FNIP2: variants seen among roughly 807,000 people sequenced by gnomAD.
The protein encoded by FNIP2 is folliculin interacting protein 2, also known as folliculin-interacting protein 2.
Under a neutral mutation model 108.7 loss-of-function variants are expected in FNIP2, and 32 were observed. That is an observed-to-expected ratio of 0.29 (90% CI 0.22 to 0.40). The LOEUF is 0.40. Among genes scored for constraint, FNIP2 ranks in the 10% least tolerant of loss-of-function variants. The pLI is 1.00. For synonymous variants in FNIP2, 480 were observed against 496.7 expected, an observed-to-expected ratio of 0.97 and a Z score of 0.45; for missense variants, 1,202 against 1,381.6, an observed-to-expected ratio of 0.87 and a Z score of 2.06.
intron 1 of FNIP2, among the ~76,000 whole-genome samples, chr4:158,800,556 G>A (rs1274565409): frequency 1.3e-5 from 2 of 152,122 alleles, no homozygotes; most frequent in Admixed American, 6.5e-5. Context: ...ATCATTAATG[G>A]CAAGAATTTT....
intron 1 of FNIP2, among the ~76,000 whole-genome samples, chr4:158,779,571 GTTTT>G (rs11358822): frequency 2.5e-5 from 3 of 120,062 alleles, no homozygotes; most frequent in Admixed American, 8.5e-5. Context: ...GTTGGTCGTG[GTTTT>G]TTTTTTTTTT....
chr4:158,852,096 C>T (rs1779733999), intron 8 of FNIP2, among the ~76,000 whole-genome samples: 3 of 152,156 alleles, frequency 2.0e-5, no homozygotes, highest in African/African-American at 4.8e-5. Context: ...GACTAGTACT[C>T]AACATACGTA....
intron 14 of FNIP2, among the ~76,000 whole-genome samples, chr4:158,889,026 CA>C (rs1160817310): frequency 6.6e-6 from 1 of 151,842 alleles, no homozygotes; most frequent in Non-Finnish European, 1.5e-5. Flanking sequence ...CCCATCTCTA[CA>C]AAAACGTTTT....
chr4:158,836,384 C>T (rs544807840), intron 7 of FNIP2: 1 of 152,182 alleles, frequency 6.6e-6, no homozygotes, highest in East Asian at 1.9e-4. Context: ...TACTGAGTCT[C>T]CAGTTTGGTT....
chr4:158,802,171 C>T (rs891337074), intron 1 of FNIP2, among the ~76,000 whole-genome samples: 3 of 152,138 alleles, frequency 2.0e-5, no homozygotes, highest in Non-Finnish European at 4.4e-5. Context: ...TTCTGGGGAC[C>T]GTGCTTCGAA....
intron 12 of FNIP2, among the ~76,000 whole-genome samples, chr4:158,866,046 A>G (rs1343318256): frequency 6.7e-6 from 1 of 149,292 alleles, no homozygotes; most frequent in East Asian, 2.0e-4. Context: ...ATACTCATCT[A>G]TTTTAATTAG....
At chr4:158,875,274 C>G (rs1306048802) in intron 14 of FNIP2, among the ~76,000 whole-genome samples, 2 of 151,896 alleles carry the variant, frequency 1.3e-5, no homozygotes, top group Non-Finnish European at 2.9e-5. Flanking sequence ...GCAGACTGGA[C>G]AGCTCTAACT....
intron 1 of FNIP2, among the ~76,000 whole-genome samples, chr4:158,780,949 C>T (rs1211174320): frequency 2.0e-5 from 3 of 151,326 alleles, no homozygotes; most frequent in African/African-American, 4.9e-5. Context: ...GCAGGAGAAT[C>T]GCTCGAACCC....
At position 158,891,561 on chromosome 4, in the gene FNIP2, G is replaced by C. The variant is rs753486875; in HGVS notation, c.3065G>C (p.Gly1022Ala). Residue 1022 changes from glycine (G) to alanine (A), a missense_variant, in exon 15 of 17, where the codon GGC becomes GCC. Transcript: ENST00000264433. ...QRKVTDNMKLGQDVLVSSQVS... is the reference protein window; with the variant it reads ...QRKVTDNMKLAQDVLVSSQVS... ...AAAGTGACGGACAACATGAAACTAGGCCAGGATGTCCTGGTCTCTAGTCAG... is the reference window on the plus strand; with the variant it reads ...AAAGTGACGGACAACATGAAACTAGCCCAGGATGTCCTGGTCTCTAGTCAG... The C allele has an allele frequency of 1.2e-6, 2 of 1,612,204 alleles. No homozygotes were observed. Among genetic ancestry groups the C allele is most frequent in the East Asian group, 4.5e-5 (2 of 44,872 alleles).
chr4:158,847,136 T>C (rs1390360910), intron 7 of FNIP2, among the ~76,000 whole-genome samples: 1 of 152,200 alleles, frequency 6.6e-6, no homozygotes. Flanking sequence ...TAAAGTGCTC[T>C]GGGGTCCTAA....
chr4:158,888,895 AAG>A (rs1578985667), intron 14 of FNIP2, among the ~76,000 whole-genome samples: 1 of 151,696 alleles, frequency 6.6e-6, no homozygotes, highest in East Asian at 1.9e-4. Context: ...AAAAAAAAGT[AAG>A]AAACTTTGGA....
chr4:158,806,578 G>T (rs1776971244), intron 1 of FNIP2, among the ~76,000 whole-genome samples: 2 of 152,218 alleles, frequency 1.3e-5, no homozygotes, highest in Admixed American at 1.3e-4. Flanking sequence ...GCAGAGTCAA[G>T]TCCCTTCTCT....
At chr4:158,801,211 G>A in intron 1 of FNIP2, among the ~76,000 whole-genome samples, 1 of 152,136 alleles carries the variant, frequency 6.6e-6, no homozygotes, top group East Asian at 1.9e-4. Flanking sequence ...GTAGGGGCCG[G>A]TGTGCTTGGC....
At chr4:158,791,445 G>T (rs1040121904) in intron 1 of FNIP2, among the ~76,000 whole-genome samples, 2 of 151,520 alleles carry the variant, frequency 1.3e-5, no homozygotes, top group African/African-American at 4.9e-5. Context: ...CACCATGCCC[G>T]GGGCTAAGTT....
chr4:158,868,123 G>A lies in FNIP2; in HGVS notation c.1487G>A (p.Gly496Asp), dbSNP rs1367349630. 1 of 1,614,020 alleles carries A rather than the reference G, an allele frequency of 6.2e-7. No homozygotes were observed. Among genetic ancestry groups the A allele is most frequent in the Non-Finnish European group, 8.5e-7 (1 of 1,179,874 alleles). The change falls in exon 13 of 17, where the codon GGC (glycine) becomes GAC (aspartate). Residue 496 changes from glycine to aspartate, a missense_variant. Gly to Asp is a moderately conservative substitution (Grantham distance 94). Around this residue, in one of 5 missense-constraint regions of FNIP2, gnomAD observed 878 missense variants for 990.3 expected, o/e 0.89. Coordinates refer to ENST00000264433, the MANE Select transcript of FNIP2 (RefSeq NM_020840.3). This position sits in a 1 kb window ranked among gnomAD's most constrained non-coding sequence, Gnocchi z 4.6. ...AQLGDLYGAI[G>D]SPVRLTRTVV... is the part of the protein sequence containing the mutation. ...CTAGGTGATCTTTACGGAGCCATAG[G>A]CTCTCCAGTGAGACTGACTCGCACC...
At chr4:158,772,972 C>G (rs190949122) in intron 1 of FNIP2, among the ~76,000 whole-genome samples, 3 of 152,112 alleles carry the variant, frequency 2.0e-5, no homozygotes, top group East Asian at 1.9e-4. Context: ...GACTAAGGGC[C>G]GGATTGTGAT....
At chr4:158,857,431 C>G (rs1408910364) in intron 8 of FNIP2, among the ~76,000 whole-genome samples, 1 of 152,146 alleles carries the variant, frequency 6.6e-6, no homozygotes, top group East Asian at 1.9e-4. Flanking sequence ...CAAGAATTTT[C>G]TCTGATGATT....
At chr4:158,903,930 C>G (rs975153811) in intron 16 of FNIP2, among the ~76,000 whole-genome samples, 1 of 152,162 alleles carries the variant, frequency 6.6e-6, no homozygotes, top group Non-Finnish European at 1.5e-5. Flanking sequence ...AACCCAGTAC[C>G]TTTTAGTGTC....
chr4:158,892,524 C>T (rs987497268), intron 15 of FNIP2, among the ~76,000 whole-genome samples: 1 of 152,122 alleles, frequency 6.6e-6, no homozygotes, highest in Non-Finnish European at 1.5e-5. Flanking sequence ...TTCTCAGTAT[C>T]TGCGTATGTG....
Sources: allele counts gnomAD v4.1 joint callset (sites outside exome capture counted in the v4.1 genomes callset), GRCh38; gene constraint gnomAD v4.1.1; regional missense constraint gnomAD v4.1.1; non-coding constraint Gnocchi (gnomAD v3.1); transcripts MANE v1.5; gene names NCBI Gene and HGNC (gene_info 2026-07-23, HGNC 2026-07-21).